FAM78A: variants seen among roughly 807,000 people sequenced by gnomAD.
FAM78A encodes family with sequence similarity 78 member A.
FAM78A carries 12 observed loss-of-function variants against 22.6 expected under a neutral mutation model. That is an observed-to-expected ratio of 0.53 (90% confidence interval 0.34 to 0.86). The LOEUF is 0.86. FAM78A is among the 40% of genes least tolerant of loss of function. The pLI is 0.02. For synonymous variants in FAM78A, 151 were observed against 155.8 expected, an observed-to-expected ratio of 0.97 and a Z score of 0.23; for missense variants, 322 against 396.1, an observed-to-expected ratio of 0.81 and a Z score of 1.59.
chr9:131,264,861 C>A lies in FAM78A; in HGVS notation c.324-3511G>T, dbSNP rs924799233. On this transcript the variant is annotated intron_variant, in intron 1 of 1. Coordinates refer to ENST00000372271, the MANE Select transcript of FAM78A (RefSeq NM_033387.4). Reference sequence around the variant, plus strand: ...GCCTCAGCCTCCTGAGTAGGTAGGACCACAGGCACCCACCACCACGCCCAG... The same window carrying A: ...GCCTCAGCCTCCTGAGTAGGTAGGAACACAGGCACCCACCACCACGCCCAG... 2.5e-5 allele frequency: 12 copies of A among 480,580 alleles called. 1 individual carries two copies. The highest frequency in any genetic ancestry group is 1.4e-4 in the African/African-American group (7 of 50,306). The allele number at this position is 480,580 out of a possible 1,614,324, so 29.8% of individuals were successfully genotyped here.
intron 1 of FAM78A, chr9:131,264,571 T>C: frequency 1.4e-6 from 1 of 717,194 alleles, no homozygotes; most frequent in South Asian, 1.5e-5. Flanking sequence ...TGATTAAATG[T>C]ACTGATACTC....
rs1395997731 is a variant in FAM78A at position 131,259,143 on chromosome 9, T to C, written c.*1679A>G. On this transcript the variant is annotated 3_prime_UTR_variant, in exon 2 of 2. Coordinates refer to ENST00000372271, the MANE Select transcript of FAM78A (RefSeq NM_033387.4). ...TAAATGGACGGTTTTCTGTGCTTGA[T>C]AATTATTAGGCTGAGTGTGGGTCCC... 1.3e-5 allele frequency: 2 copies of C among 152,696 alleles called. No homozygotes were observed. The highest frequency in any genetic ancestry group is 4.8e-5 in the African/African-American group (2 of 41,460). 9.5% of individuals were successfully genotyped at this position (152,696 alleles called of 1,614,324 possible). A position where few individuals can be genotyped will look rare whatever the true frequency, so the allele number is the denominator to read the frequency against.
In FAM78A at chr9:131,261,866, T is replaced by G. The variant is rs750429495; in HGVS notation, c.324-516A>C. 3.4e-4 allele frequency among the ~76,000 whole-genome samples: 52 copies of G among 152,278 alleles called. No homozygotes were observed. Among genetic ancestry groups the G allele is most frequent in the Middle Eastern group, 3.4e-3 (1 of 294 alleles). ...TGTAACAGGGAAGCTCAGGACACCC[T>G]GCGCCCACTGCGCCTTCTGCTCACC... On this transcript the variant is annotated intron_variant, in intron 1 of 1. Coordinates refer to ENST00000372271, the MANE Select transcript of FAM78A (RefSeq NM_033387.4). This position sits in a 1 kb window ranked among gnomAD's most constrained non-coding sequence, Gnocchi z 7.1.
At chr9:131,280,245 A>G (rs1157401882), upstream of FAM78A, among the ~76,000 whole-genome samples, 2 of 151,782 alleles carry the variant, frequency 1.3e-5, no homozygotes, top group Non-Finnish European at 1.5e-5. Context: ...AGCGCCCACC[A>G]GGGTTCTGGT....
Position 131,274,436 on chromosome 9 carries a change from C to T in FAM78A, c.323+1421G>A, listed in dbSNP as rs1835457371. ...AAGAATCATGTTTCCCTGCTTAGAACAGAAAGGCAGCACCCCCTCCCCCGA... is the reference window on the plus strand; with the variant it reads ...AAGAATCATGTTTCCCTGCTTAGAATAGAAAGGCAGCACCCCCTCCCCCGA... On this transcript the variant is annotated intron_variant, in intron 1 of 1. Coordinates refer to ENST00000372271, the MANE Select transcript of FAM78A (RefSeq NM_033387.4). The surrounding 1 kb of genome is among the most constrained non-coding windows in gnomAD (Gnocchi z 4.2). Among the ~76,000 whole-genome samples, 2 of 152,178 alleles carry T rather than the reference C, an allele frequency of 1.3e-5. No homozygotes were observed. The highest frequency in any genetic ancestry group is 4.8e-5 in the African/African-American group (2 of 41,440).
chr9:131,260,932 G>C lies in FAM78A; in HGVS notation c.742C>G (p.Pro248Ala), dbSNP rs975083074. 10 of 1,604,796 alleles carry C rather than the reference G, an allele frequency of 6.2e-6. No individual in the cohort carries two copies. Among genetic ancestry groups the C allele is most frequent in the Non-Finnish European group, 8.5e-6 (10 of 1,173,878 alleles). ...TTGACCAGGGCGCTGGGCGGGATGG[G>C]CTCATTCTTGCTCAGGATTTTGGGC... is the stretch of plus-strand genomic sequence containing the variant. The part of the protein sequence containing the change: ...DQPKILSKNE[P>A]IPPSALVKPN... Residue 248 changes from proline (P) to alanine (A), a missense_variant, in exon 2 of 2, where the codon CCC (proline) becomes GCC (alanine). Coordinates refer to ENST00000372271, the MANE Select transcript of FAM78A (RefSeq NM_033387.4). This position sits in a 1 kb window ranked among gnomAD's most constrained non-coding sequence, Gnocchi z 5.4.
Position 131,259,220 on chromosome 9 carries a change from A to C in FAM78A, c.*1602T>G, listed in dbSNP as rs541532232. 1.3e-5 allele frequency: 2 copies of C among 152,832 alleles called. No homozygotes were observed. The highest frequency in any genetic ancestry group is 3.9e-4 in the East Asian group (2 of 5,178). The allele number at this position is 152,832 out of a possible 1,614,324, so 9.5% of individuals were successfully genotyped here. On this transcript the variant is annotated 3_prime_UTR_variant, in exon 2 of 2. Coordinates refer to ENST00000372271, the MANE Select transcript of FAM78A (RefSeq NM_033387.4). ...CTGGAAGGAGCGTGGCTTCAGCGGGATGTCCCCTAATAGCCCCTGCAAGTG... is the reference window on the plus strand; with the variant it reads ...CTGGAAGGAGCGTGGCTTCAGCGGGCTGTCCCCTAATAGCCCCTGCAAGTG...
intron 1 of FAM78A, chr9:131,262,652 G>A (rs556433864): frequency 2.0e-5 from 3 of 152,176 alleles, no homozygotes; most frequent in South Asian, 2.1e-4. Context: ...AGTGTCCAAC[G>A]ACAGATAAAT....
rs942516704 is a variant in FAM78A at position 131,275,014 on chromosome 9, C to T, written c.323+843G>A. Among the ~76,000 whole-genome samples, 5 of 152,222 alleles carry T rather than the reference C, an allele frequency of 3.3e-5. No homozygotes were observed. Among genetic ancestry groups the T allele is most frequent in the Non-Finnish European group, 7.3e-5 (5 of 68,030 alleles). On this transcript the variant is annotated intron_variant, in intron 1 of 1. Transcript: ENST00000372271. This position sits in a 1 kb window ranked among gnomAD's most constrained non-coding sequence, Gnocchi z 4.6. ...GGGTGAACCTTCAGATTAAGTCACT[C>T]TCCCAACTCTGCCTAAATGCAGCTC...
chr9:131,269,012 C>T (rs1306643860), intron 1 of FAM78A, among the ~76,000 whole-genome samples: 1 of 144,222 alleles, frequency 6.9e-6, no homozygotes, highest in African/African-American at 2.6e-5. Flanking sequence ...GCCTGACTAA[C>T]ATGGTGAAAC....
chr9:131,275,999 C>G lies in FAM78A; in HGVS notation c.181G>C (p.Val61Leu). 1 of 1,613,700 alleles carries G rather than the reference C, an allele frequency of 6.2e-7. No individual in the cohort carries two copies. The highest frequency in any genetic ancestry group is 1.1e-5 in the South Asian group (1 of 91,080). The change falls in exon 1 of 2, where the codon GTG becomes CTG. Residue 61 changes from valine (V) to leucine (L), a missense_variant. Val to Leu is a conservative substitution (Grantham distance 32). Transcript: ENST00000372271. The surrounding 1 kb of genome is among the most constrained non-coding windows in gnomAD (Gnocchi z 4.6). ...AAGTGGGGTGTCCGGTAGCGGAGCA[C>G]CACGCTGGAGGACTCATCGATGCTA... The part of the protein sequence containing the change: ...PTSIDESSSV[V>L]LRYRTPHFRA...
Position 131,261,435 on chromosome 9 carries a change from G to A in FAM78A, c.324-85C>T, listed in dbSNP as rs1214590973. The A allele has an allele frequency of 2.9e-6, 4 of 1,368,032 alleles. No homozygotes were observed. The highest frequency in any genetic ancestry group is 3.9e-6 in the Non-Finnish European group (4 of 1,033,944). The allele number at this position is 1,368,032 out of a possible 1,614,324, so 84.7% of individuals were successfully genotyped here. ...CCCTGGCAGGCCAGGGGCTGTCCTGGGCCCTGAGGATGGAACGGACCCAGC... is the reference window on the plus strand; with the variant it reads ...CCCTGGCAGGCCAGGGGCTGTCCTGAGCCCTGAGGATGGAACGGACCCAGC... On this transcript the variant is annotated intron_variant, in intron 1 of 1. Transcript: ENST00000372271. This position sits in a 1 kb window ranked among gnomAD's most constrained non-coding sequence, Gnocchi z 7.1.
intron 1 of FAM78A, among the ~76,000 whole-genome samples, chr9:131,271,139 C>T (rs1205262235): frequency 6.6e-6 from 1 of 151,716 alleles, no homozygotes; most frequent in African/African-American, 2.4e-5. Flanking sequence ...TCCCAAGTAA[C>T]TGGGACTACA....
chr9:131,276,663 A>G (rs1297103208), upstream of FAM78A: 1 of 152,778 alleles, frequency 6.5e-6, no homozygotes, highest in Non-Finnish European at 1.5e-5. The surrounding 1 kb of genome is among the most constrained non-coding windows in gnomAD (Gnocchi z 4.3). Context: ...GCGCGGTCGA[A>G]TCAATTGCAG....
rs1835328614 is a variant in FAM78A, at chr9:131,265,143, C to G, written c.324-3793G>C. Among the ~76,000 whole-genome samples the G allele has an allele frequency of 6.6e-6, 1 of 152,150 alleles. No individual in the cohort carries two copies. The highest frequency in any genetic ancestry group is 1.5e-5 in the Non-Finnish European group (1 of 68,020). Reference sequence around the variant, plus strand: ...TATTGGTATTTTTCTTCTGTTTCTTCTTGGTACTTATTGGGGATTTAAACA... The same window carrying G: ...TATTGGTATTTTTCTTCTGTTTCTTGTTGGTACTTATTGGGGATTTAAACA... On this transcript the variant is annotated intron_variant, in intron 1 of 1. Transcript: ENST00000372271. This position sits in a 1 kb window ranked among gnomAD's most constrained non-coding sequence, Gnocchi z 4.3.
chr9:131,280,123 G>A (rs1462951122), upstream of FAM78A, among the ~76,000 whole-genome samples: 1 of 152,222 alleles, frequency 6.6e-6, no homozygotes, highest in African/African-American at 2.4e-5. Context: ...AAGGGACCAG[G>A]AAGCATCAGT....
In FAM78A at chr9:131,276,064, G is replaced by C. The variant is rs769914960; in HGVS notation, c.116C>G (p.Thr39Arg). 1 of 1,613,822 alleles carries C rather than the reference G, an allele frequency of 6.2e-7. No individual in the cohort carries two copies. The highest frequency in any genetic ancestry group is 8.5e-7 in the Non-Finnish European group (1 of 1,180,036). ...GATGGAGGCTTTCACATCAATCACCGTGATCCCTTCCCGGAAGACTCTGGC... is the reference window on the plus strand; with the variant it reads ...GATGGAGGCTTTCACATCAATCACCCTGATCCCTTCCCGGAAGACTCTGGC... ...GKARVFREGI[T>R]VIDVKASIDP... Residue 39 changes from threonine to arginine, a missense_variant, in exon 1 of 2, where the codon ACG becomes AGG. Physicochemically the swap from Thr to Arg is moderately conservative, Grantham distance 71 (BLOSUM62 -1). Transcript: ENST00000372271. The surrounding 1 kb of genome is among the most constrained non-coding windows in gnomAD (Gnocchi z 4.3).
intron 1 of FAM78A, among the ~76,000 whole-genome samples, chr9:131,267,969 A>G (rs1323856030): frequency 6.0e-5 from 9 of 150,498 alleles, no homozygotes; most frequent in African/African-American, 1.7e-4. Flanking sequence ...GGAGAATGGC[A>G]TGAACCCGGG....
At chr9:131,280,379 G>A (rs1468712359), upstream of FAM78A, among the ~76,000 whole-genome samples, 2 of 152,210 alleles carry the variant, frequency 1.3e-5, no homozygotes, top group Non-Finnish European at 2.9e-5. Context: ...AGCATATGTG[G>A]AAGGCTCATG....
Sources: allele counts gnomAD v4.1 joint callset (sites outside exome capture counted in the v4.1 genomes callset), GRCh38; gene constraint gnomAD v4.1.1; non-coding constraint Gnocchi (gnomAD v3.1); transcripts MANE v1.5; gene names NCBI Gene and HGNC (gene_info 2026-07-23, HGNC 2026-07-21).